MTUS1: variants seen among roughly 807,000 people sequenced by gnomAD.
MTUS1 encodes microtubule-associated tumor suppressor 1.
MTUS1 carries 109 observed loss-of-function variants against 120.8 expected under a neutral mutation model. The observed-to-expected ratio is 0.90, with a 90% CI of 0.77 to 1.06. MTUS1 has a LOEUF of 1.06. Ranked by LOEUF, MTUS1 falls within the 50% of genes least tolerant of loss-of-function variation. The probability of loss-of-function intolerance (pLI) is 0.00; values close to 1 mark genes in which losing one functional copy is unlikely to be tolerated. For synonymous variants in MTUS1, 737 were observed against 550.5 expected (o/e 1.34, Z -4.74); for missense variants, 2,210 against 1,486.3 (o/e 1.49, Z -8.01).
chr8:17,798,425 C>A (rs183845148), intron 1 of MTUS1, among the ~76,000 whole-genome samples: 13 of 152,068 alleles, frequency 8.5e-5, no homozygotes, highest in Middle Eastern at 3.4e-3. Flanking sequence ...CTCCACCTCC[C>A]GGGTTCAAGC....
At chr8:17,800,089 C>A (rs1021492971) in intron 1 of MTUS1, among the ~76,000 whole-genome samples, 1 of 152,138 alleles carries the variant, frequency 6.6e-6, no homozygotes, top group African/African-American at 2.4e-5. Flanking sequence ...TATGCAATTC[C>A]TTTTAAAGTT....
At chr8:17,770,111 T>G (rs2049915431) in intron 1 of MTUS1, among the ~76,000 whole-genome samples, 1 of 152,168 alleles carries the variant, frequency 6.6e-6, no homozygotes, top group Admixed American at 6.6e-5. Flanking sequence ...TATACAACAT[T>G]TTTACATGTT....
intron 1 of MTUS1, among the ~76,000 whole-genome samples, chr8:17,795,759 C>T (rs2052173709): frequency 6.6e-6 from 1 of 151,970 alleles, no homozygotes; most frequent in African/African-American, 2.4e-5. Flanking sequence ...CCTGCCTCAG[C>T]CTCCCACGTA....
chr8:17,711,823 A>C (rs1264137303), intron 6 of MTUS1, among the ~76,000 whole-genome samples: 1 of 152,206 alleles, frequency 6.6e-6, no homozygotes, highest in Non-Finnish European at 1.5e-5. Flanking sequence ...TTGAATATTC[A>C]GAGGTCATTA....
At chr8:17,653,556 TA>T in intron 10 of MTUS1, 58 bp from the exon 11 acceptor site, 1 of 1,214,452 alleles carries the variant, frequency 8.2e-7, no homozygotes, top group Non-Finnish European at 1.2e-6. Flanking sequence ...CAATGTACTC[TA>T]AAACAGTTAA....
At chr8:17,680,566 G>C (rs1814225161) in intron 7 of MTUS1, among the ~76,000 whole-genome samples, 1 of 149,946 alleles carries the variant, frequency 6.7e-6, no homozygotes, top group East Asian at 2.0e-4. Context: ...TAAGTATAAG[G>C]TGAAATTCAC....
At chr8:17,689,963 C>T (rs962719410) in intron 6 of MTUS1, among the ~76,000 whole-genome samples, 3 of 151,874 alleles carry the variant, frequency 2.0e-5, no homozygotes, top group African/African-American at 2.4e-5. Context: ...CAACATTGGC[C>T]GACGCAAGGA....
chr8:17,674,191 A>G (rs539716311), intron 8 of MTUS1, among the ~76,000 whole-genome samples: 99 of 152,158 alleles, frequency 6.5e-4, no homozygotes, highest in Middle Eastern at 6.8e-3. Context: ...TAATCCCAGT[A>G]CTTTGGGAGG....
In MTUS1 at chr8:17,678,994, G is replaced by A. The variant is rs557964128; in HGVS notation, c.2839-3742C>T. Among the ~76,000 whole-genome samples the A allele has an allele frequency of 6.6e-5, 10 of 152,286 alleles. No individual in the cohort carries two copies. The East Asian group carries it at 1.9e-3, about 29-fold the overall frequency. ...TTTAGTGTGTCTTCTGCGAAACAGA[G>A]TGTGACATTAGTTCTCAGATTCATG... On this transcript the variant is annotated intron_variant, in intron 7 of 14. Coordinates refer to ENST00000693296, the MANE Select transcript of MTUS1 (RefSeq NM_001363059.2).
At chr8:17,658,458 A>G (rs1447454000) in intron 8 of MTUS1, among the ~76,000 whole-genome samples, 4 of 152,146 alleles carry the variant, frequency 2.6e-5, no homozygotes, top group African/African-American at 9.7e-5. Context: ...ATCCTAGAAA[A>G]TCTTGAATTC....
intron 4 of MTUS1, among the ~76,000 whole-genome samples, chr8:17,717,067 C>G (rs1299509363): frequency 6.6e-6 from 1 of 152,192 alleles, no homozygotes; most frequent in Non-Finnish European, 1.5e-5. Flanking sequence ...CCAACTGCTA[C>G]AATAGTGCTT....
intron 14 of MTUS1, among the ~76,000 whole-genome samples, 187 bp downstream of exon 14, chr8:17,646,795 T>A (rs1394449282): frequency 6.6e-6 from 1 of 152,102 alleles, no homozygotes; most frequent in Non-Finnish European, 1.5e-5. Context: ...CAGTGTACAG[T>A]TTTCAGGCCG....
intron 1 of MTUS1, among the ~76,000 whole-genome samples, chr8:17,787,272 G>T (rs1287467197): frequency 6.6e-6 from 1 of 152,202 alleles, no homozygotes; most frequent in African/African-American, 2.4e-5. Flanking sequence ...AAAGTCCACA[G>T]TGTTCCCACA....
intron 4 of MTUS1, among the ~76,000 whole-genome samples, chr8:17,718,536 C>T (rs1320819024): frequency 6.6e-6 from 1 of 152,108 alleles, no homozygotes; most frequent in Non-Finnish European, 1.5e-5. Context: ...TTCAGTCCCA[C>T]TGAGGCTGGA....
At chr8:17,702,901 A>T (rs192547024) in intron 6 of MTUS1, among the ~76,000 whole-genome samples, 79 of 152,302 alleles carry the variant, frequency 5.2e-4, no homozygotes, top group African/African-American at 1.8e-3. Context: ...TGACGATTTC[A>T]TGGACATTTA....
In MTUS1 at chr8:17,650,411, G is replaced by C. The variant is rs568555315; in HGVS notation, c.3385-449C>G. Among the ~76,000 whole-genome samples, 5 of 152,280 alleles carry C rather than the reference G, an allele frequency of 3.3e-5. No homozygotes were observed. In the South Asian group the frequency reaches 1.0e-3, roughly 32 times the overall value. ...AAAACAACAGGGATAACAATGTCCTGAGTGTTTGGATTTTTGTTATGATGG... is the reference window on the plus strand; with the variant it reads ...AAAACAACAGGGATAACAATGTCCTCAGTGTTTGGATTTTTGTTATGATGG... On this transcript the variant is annotated intron_variant, in intron 12 of 14. Transcript: ENST00000693296.
intron 1 of MTUS1, among the ~76,000 whole-genome samples, chr8:17,793,882 CACAA>C (rs1370381374): frequency 1.3e-5 from 2 of 152,184 alleles, no homozygotes; most frequent in African/African-American, 4.8e-5. Context: ...TTTCGAACAA[CACAA>C]ACACTTACTA....
chr8:17,726,291 A>G (rs1303789484), intron 3 of MTUS1, among the ~76,000 whole-genome samples: 1 of 152,178 alleles, frequency 6.6e-6, no homozygotes, highest in Non-Finnish European at 1.5e-5. Context: ...CCTCTCTGTG[A>G]GCTTATCCTG....
intron 8 of MTUS1, among the ~76,000 whole-genome samples, chr8:17,662,067 G>A (rs963149927): frequency 3.9e-5 from 6 of 152,092 alleles, no homozygotes; most frequent in Non-Finnish European, 7.4e-5. Flanking sequence ...GGCGGTGGGG[G>A]GCGTGCATAA....
Sources: gnomAD v4.1 joint callset for allele counts (sites outside exome capture counted in the v4.1 genomes callset) on GRCh38, gnomAD v4.1.1 for gene constraint, MANE v1.5 for transcripts, NCBI Gene and HGNC (gene_info 2026-07-23, HGNC 2026-07-21) for gene names.